TTLL11: variants seen among roughly 807,000 people sequenced by gnomAD.
TTLL11 encodes tubulin polyglutamylase TTLL11.
In TTLL11, 42 loss-of-function variants were observed where a neutral mutation model predicts 51.7. The observed-to-expected ratio is 0.81, with a 90% CI of 0.64 to 1.05. The LOEUF (loss-of-function observed/expected upper bound fraction) is 1.05. Among genes scored for constraint, TTLL11 ranks in the 50% least tolerant of loss-of-function variants. The pLI, the probability that TTLL11 is intolerant of heterozygous loss-of-function variation, is 0.00. For missense variants in TTLL11, 799 were observed against 940.4 expected, an observed-to-expected ratio of 0.85 and a Z score of 1.97; for synonymous variants, 381 against 383.5, an observed-to-expected ratio of 0.99 and a Z score of 0.08.
chr9:122,077,833 C>T (rs983323275), intron 1 of TTLL11, among the ~76,000 whole-genome samples: 1 of 99,194 alleles, frequency 1.0e-5, no homozygotes, highest in Non-Finnish European at 2.2e-5. Context: ...CAAAAACCTG[C>T]AAAAAAAAAA....
intron 6 of TTLL11, among the ~76,000 whole-genome samples, chr9:121,871,536 C>A (rs938750313): frequency 6.6e-6 from 1 of 152,152 alleles, no homozygotes; most frequent in Non-Finnish European, 1.5e-5. Context: ...CCCTGCTCTG[C>A]CCCTGCTTGG....
chr9:121,825,221 G>T (rs1387280312), intron 8 of TTLL11, among the ~76,000 whole-genome samples: 1 of 152,180 alleles, frequency 6.6e-6, no homozygotes, highest in Non-Finnish European at 1.5e-5. Context: ...GTGCATCTGT[G>T]TGTGTGTGTG....
chr9:121,824,766 T>C (rs757353639), intron 8 of TTLL11, among the ~76,000 whole-genome samples: 3 of 152,096 alleles, frequency 2.0e-5, no homozygotes, highest in African/African-American at 4.8e-5. Flanking sequence ...CATTTTAGAT[T>C]AGGCTGGTGT....
At chr9:122,060,362 C>G (rs1845406226) in intron 1 of TTLL11, among the ~76,000 whole-genome samples, 7 of 152,152 alleles carry the variant, frequency 4.6e-5, no homozygotes. Context: ...TGAGCCTTAC[C>G]ATCCAGAAAT....
intron 6 of TTLL11, among the ~76,000 whole-genome samples, chr9:121,931,089 T>G (rs73662529): frequency 0.077 from 11,695 of 152,304 alleles, 652 homozygotes; most frequent in African/African-American, 0.16. Flanking sequence ...AAAGACCTAA[T>G]GATTAGTATG....
chr9:122,031,945 C>T, intron 2 of TTLL11, 89 bp from the exon 3 acceptor site: 1 of 1,485,432 alleles, frequency 6.7e-7, no homozygotes, highest in East Asian at 2.3e-5. Flanking sequence ...AACCACCCAC[C>T]CGACATATTC....
chr9:122,077,388 T>C (rs1845890282), intron 1 of TTLL11, among the ~76,000 whole-genome samples: 1 of 152,148 alleles, frequency 6.6e-6, no homozygotes, highest in South Asian at 2.1e-4. Context: ...CTTGCATTGT[T>C]AAAAAGAGAA....
chr9:121,836,180 T>C (rs1322402528), intron 8 of TTLL11, among the ~76,000 whole-genome samples: 2 of 152,340 alleles, frequency 1.3e-5, no homozygotes, highest in Admixed American at 1.3e-4. Flanking sequence ...TGTTTAGTGA[T>C]ATGGCAAAGC....
At chr9:121,961,244 A>G (rs1462834015) in intron 6 of TTLL11, among the ~76,000 whole-genome samples, 2 of 152,224 alleles carry the variant, frequency 1.3e-5, no homozygotes, top group Admixed American at 6.5e-5. Context: ...TCAAGAAAAA[A>G]AAAGAAACCC....
At chr9:121,964,119 C>T (rs979443556) in intron 6 of TTLL11, among the ~76,000 whole-genome samples, 2 of 151,246 alleles carry the variant, frequency 1.3e-5, no homozygotes, top group African/African-American at 4.9e-5. Context: ...GATAGAAAAA[C>T]AACTCCATAA....
At chr9:121,996,350 C>G (rs545733468) in intron 3 of TTLL11, among the ~76,000 whole-genome samples, 5 of 152,298 alleles carry the variant, frequency 3.3e-5, no homozygotes, top group South Asian at 2.1e-4. Context: ...GGCCTGCAAC[C>G]CTCTATACAG....
intron 6 of TTLL11, among the ~76,000 whole-genome samples, chr9:121,897,923 C>CTTTTTTTTTTTTTTTTTT (rs113818323): frequency 7.0e-6 from 1 of 143,142 alleles, no homozygotes; most frequent in African/African-American, 2.6e-5. Flanking sequence ...TTCTTCTATT[C>CTTTTTTTTTTTTTTTTTT]TTTTTTTTTT....
At chr9:121,893,013 C>A (rs946147690) in intron 6 of TTLL11, among the ~76,000 whole-genome samples, 5 of 152,128 alleles carry the variant, frequency 3.3e-5, no homozygotes, top group African/African-American at 7.2e-5. Flanking sequence ...AACCTATGGT[C>A]CCAGAGGAAA....
intron 6 of TTLL11, among the ~76,000 whole-genome samples, chr9:121,913,085 C>T (rs528807264): frequency 1.3e-5 from 2 of 152,260 alleles, no homozygotes; most frequent in Admixed American, 6.5e-5. Context: ...CCCTGCTCCA[C>T]CCTAGACAAG....
intron 6 of TTLL11, among the ~76,000 whole-genome samples, chr9:121,878,355 T>C (rs1299391651): frequency 6.6e-6 from 1 of 152,256 alleles, no homozygotes; most frequent in Non-Finnish European, 1.5e-5. Context: ...TGCTTCGTTT[T>C]GTTTGCCAAA....
rs146916732 is a variant in TTLL11 at position 121,969,911 on chromosome 9, C to A, written c.1481+4098G>T. On this transcript the variant is annotated intron_variant, in intron 6 of 8. Coordinates refer to ENST00000321582, the MANE Select transcript of TTLL11 (RefSeq NM_001139442.2). ...CAAAGGAGTTGAGAATAATTTCAGC[C>A]TTTTCCTCTGCATGGTAAGTTTATC... is the stretch of plus-strand genomic sequence containing the variant. Among the ~76,000 whole-genome samples, 5 of 152,314 alleles carry A rather than the reference C, an allele frequency of 3.3e-5. No homozygotes were observed. In the East Asian group the frequency reaches 9.6e-4, roughly 29 times the overall value.
chr9:121,889,906 G>C (rs935417442), intron 6 of TTLL11, among the ~76,000 whole-genome samples: 2 of 151,866 alleles, frequency 1.3e-5, no homozygotes, highest in African/African-American at 4.8e-5. Context: ...TCTTGGGCGG[G>C]GCGGGGGGGG....
intron 8 of TTLL11, among the ~76,000 whole-genome samples, chr9:121,827,069 G>A (rs1237794336): frequency 1.3e-5 from 2 of 152,194 alleles, no homozygotes; most frequent in Non-Finnish European, 2.9e-5. Flanking sequence ...CGAGTCCCAT[G>A]GGTTTGGACC....
intron 6 of TTLL11, among the ~76,000 whole-genome samples, chr9:121,941,567 T>C (rs544382210): frequency 6.6e-6 from 1 of 152,334 alleles, no homozygotes; most frequent in East Asian, 1.9e-4. Context: ...TTCTTGAGTT[T>C]CTCAACTTCT....
Sources: gnomAD v4.1 joint callset for allele counts (sites outside exome capture counted in the v4.1 genomes callset) on GRCh38, gnomAD v4.1.1 for gene constraint, MANE v1.5 for transcripts, NCBI Gene and HGNC (gene_info 2026-07-23, HGNC 2026-07-21) for gene names.